DZANK1: variants seen among roughly 807,000 people sequenced by gnomAD.
DZANK1 encodes double zinc ribbon and ankyrin repeat-containing protein 1.
A neutral mutation model predicts 94.5 loss-of-function variants in DZANK1; 91 were observed. The ratio of observed to expected loss-of-function variants is 0.96; its 90% CI spans 0.81 to 1.15. DZANK1 has a LOEUF of 1.15. Ranked by LOEUF, DZANK1 falls within the 50% of genes most tolerant of loss-of-function variation. The pLI, the probability that DZANK1 is intolerant of heterozygous loss-of-function variation, is 0.00. For missense variants in DZANK1, 903 were observed against 916.4 expected (o/e 0.99, Z 0.19); for synonymous variants, 312 against 325.3 (o/e 0.96, Z 0.44).
chr20:18,440,275 C>A (rs773539737), intron 8 of DZANK1, among the ~76,000 whole-genome samples: 55 of 152,128 alleles, frequency 3.6e-4, no homozygotes, highest in Admixed American at 3.9e-4. Flanking sequence ...TTCTGCTATC[C>A]CAATCTCATT....
At chr20:18,389,774 C>T (rs750410706) in exon 19 of DZANK1, 3 of 1,613,906 alleles carry the variant, frequency 1.9e-6, no homozygotes, top group South Asian at 2.2e-5. Context: ...TTATTCATAA[C>T]AGCCACGGTT....
chr20:18,459,420 T>C (rs1239968826), intron 3 of DZANK1, among the ~76,000 whole-genome samples: 3 of 152,140 alleles, frequency 2.0e-5, no homozygotes, highest in Admixed American at 6.5e-5. Flanking sequence ...GGGGTGGGGC[T>C]AGAGTCCTTT....
In DZANK1 at chr20:18,462,058, T is replaced by TA. The variant is rs945730539; in HGVS notation, c.110-1753dup. Among the ~76,000 whole-genome samples, 18 of 151,936 alleles carry TA rather than the reference T, an allele frequency of 1.2e-4. 1 individual carries two copies. Among genetic ancestry groups the TA allele is most frequent in the African/African-American group, 3.1e-4 (13 of 41,434 alleles). ...TTTTAGTTTTCCTAATTTCCTAGGTTAAAAAAAATACTATCTTGTAGTTTC... is the reference window on the plus strand; with the variant it reads ...TTTTAGTTTTCCTAATTTCCTAGGTTAAAAAAAAATACTATCTTGTAGTTTC... On this transcript the variant is annotated intron_variant, in intron 2 of 20. Transcript: ENST00000262547.
At chr20:18,384,693 A>G in intron 20 of DZANK1, 129 bp from the exon 21 acceptor site, 1 of 979,514 alleles carries the variant, frequency 1.0e-6, no homozygotes, top group Non-Finnish European at 1.5e-6. Context: ...ACCTCTCCCC[A>G]AGAGGTCACA....
chr20:18,401,021 C>T (rs1886582237), intron 13 of DZANK1, among the ~76,000 whole-genome samples: 1 of 152,164 alleles, frequency 6.6e-6, no homozygotes, highest in South Asian at 2.1e-4. Context: ...ACTGCAACCT[C>T]CGCCTCCCGG....
At chr20:18,415,226 A>G (rs1366795621) in intron 11 of DZANK1, 101 bp downstream of exon 11, 1 of 1,258,138 alleles carries the variant, frequency 7.9e-7, no homozygotes, top group African/African-American at 1.5e-5. Flanking sequence ...TAGCGAAATC[A>G]CAAGAAGTGA....
intron 6 of DZANK1, 64 bp from the exon 7 acceptor site, chr20:18,449,133 T>C: frequency 1.5e-6 from 2 of 1,347,068 alleles, no homozygotes; most frequent in Admixed American, 1.8e-5. Context: ...GTAAAGGCTA[T>C]GGTATAGTAA....
exon 17 of DZANK1, chr20:18,393,764 T>G (rs1316184113): frequency 1.9e-6 from 3 of 1,613,476 alleles, no homozygotes; most frequent in Non-Finnish European, 1.7e-6. Flanking sequence ...TTCTTTATCC[T>G]TTTGATTTTT....
chr20:18,414,551 T>C, intron 11 of DZANK1, 39 bp from the exon 12 acceptor site: 1 of 1,551,662 alleles, frequency 6.4e-7, no homozygotes, highest in Non-Finnish European at 8.7e-7. Context: ...ATTAGAGTTA[T>C]AATTTCCTCA....
At chr20:18,453,403 T>C (rs1205437636) in intron 5 of DZANK1, among the ~76,000 whole-genome samples, 1 of 152,132 alleles carries the variant, frequency 6.6e-6, no homozygotes, top group African/African-American at 2.4e-5. Flanking sequence ...TTTGAGACTA[T>C]CAAAACTCTG....
chr20:18,465,250 C>T lies in DZANK1; in HGVS notation c.109G>A (p.Asp37Asn), dbSNP rs767213454. 5.1e-6 allele frequency: 8 copies of T among 1,564,546 alleles called. No homozygotes were observed. In the East Asian group the frequency reaches 1.8e-4, roughly 35 times the overall value. ...AATTTCAAACATATGTGATTCTTAC[C>T]TGATTTCATTTCCAAAAGCGTATTG... Residue 37 changes from aspartate (D) to asparagine (N), a missense_variant and splice_region_variant, in exon 2 of 21, where the codon GAC becomes AAC. Transcript: ENST00000262547.
chr20:18,402,312 C>G (rs1414481072), intron 13 of DZANK1, among the ~76,000 whole-genome samples: 1 of 152,134 alleles, frequency 6.6e-6, no homozygotes, highest in Non-Finnish European at 1.5e-5. Context: ...TAGAAGACAC[C>G]TGAAGCTGGT....
chr20:18,425,100 T>G (rs934212249), intron 10 of DZANK1, among the ~76,000 whole-genome samples: 4 of 152,242 alleles, frequency 2.6e-5, no homozygotes, highest in African/African-American at 4.8e-5. Flanking sequence ...ATTGTGGTGG[T>G]AGTTAAAATG....
intron 14 of DZANK1, among the ~76,000 whole-genome samples, chr20:18,397,080 C>T (rs1187784436): frequency 6.6e-6 from 1 of 152,156 alleles, no homozygotes; most frequent in Non-Finnish European, 1.5e-5. Flanking sequence ...ATTGTGAATA[C>T]TTTACTGTCA....
At chr20:18,459,668 G>A (rs2059406410) in intron 3 of DZANK1, among the ~76,000 whole-genome samples, 2 of 152,112 alleles carry the variant, frequency 1.3e-5, no homozygotes, top group Non-Finnish European at 1.5e-5. Flanking sequence ...AGAAAAAAAA[G>A]GATAAAGAAA....
At chr20:18,427,345 G>GTT (rs386365634) in intron 9 of DZANK1, among the ~76,000 whole-genome samples, 186 bp from the exon 10 acceptor site, 2 of 146,494 alleles carry the variant, frequency 1.4e-5, no homozygotes, top group East Asian at 2.0e-4. Context: ...GTTTTTTTGG[G>GTT]TTTTTTTTTT....
chr20:18,385,720 G>T (rs970183880), intron 19 of DZANK1, among the ~76,000 whole-genome samples: 1 of 152,078 alleles, frequency 6.6e-6, no homozygotes. Context: ...TGGACCTCTT[G>T]GGCACGATAG....
chr20:18,441,344 A>G lies in DZANK1; in HGVS notation c.747+2003T>C, dbSNP rs6045400. On this transcript the variant is annotated intron_variant, in intron 8 of 20. Transcript: ENST00000262547. This position sits in a 1 kb window ranked among gnomAD's most constrained non-coding sequence, Gnocchi z 4.1. The stretch of plus-strand genomic sequence containing the variant: ...AACCACTTCCAAAATCCCATTTCCC[A>G]GTTTATTTCCTGGGACCAATCCCAC... Among the ~76,000 whole-genome samples the G allele has an allele frequency of 0.71, 108,396 of 152,070 alleles. 39,514 individuals are homozygous for G. Among genetic ancestry groups the G allele is most frequent in the South Asian group, 0.81 (3,883 of 4,818 alleles).
intron 17 of DZANK1, 44 bp downstream of exon 17, chr20:18,393,667 C>T (rs759780241): frequency 1.6e-6 from 2 of 1,271,832 alleles, no homozygotes; most frequent in Non-Finnish European, 2.2e-6. Context: ...CTGAAAATCA[C>T]AGGCTGAAGA....
Sources: gnomAD v4.1 joint callset for allele counts (sites outside exome capture counted in the v4.1 genomes callset) on GRCh38, gnomAD v4.1.1 for gene constraint, Gnocchi (gnomAD v3.1) non-coding constraint, MANE v1.5 for transcripts, NCBI Gene and HGNC (gene_info 2026-07-23, HGNC 2026-07-21) for gene names.